The following CEP63 variants were observed in gnomAD, a reference collection of about 807,000 sequenced individuals.
The protein encoded by CEP63 is centrosomal protein of 63 kDa.
Under a neutral mutation model 89.1 loss-of-function variants are expected in CEP63, and 84 were observed. The ratio of observed to expected loss-of-function variants is 0.94; its 90% CI spans 0.79 to 1.13. CEP63 has a LOEUF of 1.13. Among genes scored for constraint, CEP63 ranks in the 50% most tolerant of loss-of-function variants. CEP63 has a pLI of 0.00. For synonymous variants in CEP63, 267 were observed against 272.5 expected (o/e 0.98, Z 0.20); for missense variants, 838 against 813.3 (o/e 1.03, Z -0.37).
the CEP63 span, among the ~76,000 whole-genome samples, chr3:134,642,385 G>T: frequency 1.3e-5 from 2 of 152,192 alleles, no homozygotes; most frequent in Non-Finnish European, 2.9e-5. Flanking sequence ...TTATGGCTGA[G>T]CCTGTGAGAA....
intron 3 of CEP63, among the ~76,000 whole-genome samples, chr3:134,512,085 C>G (rs1000462096): frequency 2.8e-4 from 43 of 152,160 alleles, no homozygotes; most frequent in Admixed American, 2.4e-3. Flanking sequence ...CTGTTAACAG[C>G]TAAAATCAGT....
At chr3:134,552,114 C>A (rs562891744) in intron 12 of CEP63, 102 bp downstream of exon 12, 13 of 654,530 alleles carry the variant, frequency 2.0e-5, no homozygotes, top group African/African-American at 1.1e-4. Flanking sequence ...CAACTTAGAT[C>A]CTTTTGCAGA....
intron 3 of CEP63, among the ~76,000 whole-genome samples, chr3:134,507,566 T>TC (rs1943784040): frequency 6.6e-6 from 1 of 152,178 alleles, no homozygotes; most frequent in Non-Finnish European, 1.5e-5. Flanking sequence ...TGTTTAACCT[T>TC]CATCATATTA....
the CEP63 span, among the ~76,000 whole-genome samples, chr3:134,691,571 T>A: frequency 6.6e-6 from 1 of 151,466 alleles, no homozygotes; most frequent in African/African-American, 2.4e-5. Flanking sequence ...TGAGCTGAGA[T>A]CACACCACTG....
Position 134,545,187 on chromosome 3 carries a change from AC to A in CEP63, c.556-398del, listed in dbSNP as rs1301839329. ...GCTAATTTTTGTATTTTTAGTAGAG[AC>A]GGGTTTCACCATGTTGGCAAGGATG... On this transcript the variant is annotated intron_variant, in intron 6 of 14. Coordinates refer to ENST00000675561, the MANE Select transcript of CEP63 (RefSeq NM_001353108.3). Among the ~76,000 whole-genome samples the A allele has an allele frequency of 2.0e-5, 3 of 151,858 alleles. No homozygotes were observed. In the East Asian group the frequency reaches 5.8e-4, roughly 29 times the overall value.
chr3:134,648,889 G>A, the CEP63 span, among the ~76,000 whole-genome samples: 1 of 152,226 alleles, frequency 6.6e-6, no homozygotes, highest in Non-Finnish European at 1.5e-5. Context: ...AGGATCTGGA[G>A]TGTGGAGGAG....
the CEP63 span, among the ~76,000 whole-genome samples, chr3:134,634,063 C>T: frequency 6.6e-6 from 1 of 152,164 alleles, no homozygotes; most frequent in African/African-American, 2.4e-5. Flanking sequence ...CAAACATGTG[C>T]AATAATCGCA....
At chr3:134,653,389 C>G in the CEP63 span, among the ~76,000 whole-genome samples, 8 of 152,212 alleles carry the variant, frequency 5.3e-5, no homozygotes, top group Non-Finnish European at 1.0e-4. Flanking sequence ...CTCGACTGCT[C>G]TGGGAGATGC....
At chr3:134,542,092 A>G (rs1344125874) in intron 6 of CEP63, among the ~76,000 whole-genome samples, 1 of 152,220 alleles carries the variant, frequency 6.6e-6, no homozygotes, top group Non-Finnish European at 1.5e-5. Context: ...AAGCCAACAT[A>G]AAATGTAAAA....
chr3:134,621,596 C>T, the CEP63 span, among the ~76,000 whole-genome samples: 1 of 152,182 alleles, frequency 6.6e-6, no homozygotes, highest in African/African-American at 2.4e-5. Context: ...AATATAAGAG[C>T]TTAAACCATA....
the CEP63 span, chr3:134,650,989 C>G: frequency 6.2e-6 from 10 of 1,612,184 alleles, no homozygotes; most frequent in African/African-American, 9.3e-5. Flanking sequence ...ACCTGGGCGC[C>G]GCGGCCGCAC....
the CEP63 span, among the ~76,000 whole-genome samples, chr3:134,776,757 G>T: frequency 6.6e-6 from 1 of 152,228 alleles, no homozygotes; most frequent in Non-Finnish European, 1.5e-5. Context: ...AGAGTTGGAG[G>T]TCATGGGAGC....
chr3:134,530,833 T>C (rs1011891003), intron 3 of CEP63, among the ~76,000 whole-genome samples: 37 of 152,210 alleles, frequency 2.4e-4, no homozygotes, highest in African/African-American at 6.8e-4. Context: ...TTCTTATAAG[T>C]AGCTTATTTC....
chr3:134,758,513 C>T, the CEP63 span, among the ~76,000 whole-genome samples: 1 of 152,192 alleles, frequency 6.6e-6, no homozygotes, highest in Non-Finnish European at 1.5e-5. Flanking sequence ...AGAAGGTATG[C>T]GGGGTGGGTG....
At chr3:134,746,222 A>G in the CEP63 span, among the ~76,000 whole-genome samples, 2 of 151,772 alleles carry the variant, frequency 1.3e-5, no homozygotes, top group Admixed American at 1.3e-4. Flanking sequence ...TTCCAGCTTT[A>G]TCCATGTCCC....
At chr3:134,504,437 A>G (rs905778944) in intron 2 of CEP63, among the ~76,000 whole-genome samples, 5 of 152,104 alleles carry the variant, frequency 3.3e-5, no homozygotes. Flanking sequence ...CTGGTCTGTA[A>G]GGTTTCTGCT....
chr3:134,672,626 G>A, the CEP63 span, among the ~76,000 whole-genome samples: 1 of 152,114 alleles, frequency 6.6e-6, no homozygotes, highest in African/African-American at 2.4e-5. Context: ...CTCTCATTCC[G>A]GGGGCTCCCA....
rs938934040 is a variant in CEP63 at position 134,545,936 on chromosome 3, T to C, written c.789+117T>C. On this transcript the variant is annotated intron_variant, in intron 7 of 14. Transcript: ENST00000675561. ...ACTTTCTTCCCTACTTTATAAATGA[T>C]GGATCAGATATTGATAGTTTTACTA... 5.9e-6 allele frequency: 5 copies of C among 853,352 alleles called. 1 individual carries two copies. The Admixed American group carries it at 1.3e-4, about 23-fold the overall frequency. The allele number at this position is 853,352 out of a possible 1,614,324, so 52.9% of individuals were successfully genotyped here. A position where few individuals can be genotyped will look rare whatever the true frequency, so the allele number is the denominator to read the frequency against.
the CEP63 span, among the ~76,000 whole-genome samples, chr3:134,659,863 T>A: frequency 4.6e-5 from 7 of 152,294 alleles, no homozygotes; most frequent in Admixed American, 4.6e-4. Context: ...GTGGCCTGGA[T>A]CCCAGGGGGC....
Sources: gnomAD v4.1 joint callset for allele counts (sites outside exome capture counted in the v4.1 genomes callset) on GRCh38, gnomAD v4.1.1 for gene constraint, MANE v1.5 for transcripts, NCBI Gene and HGNC (gene_info 2026-07-23, HGNC 2026-07-21) for gene names.